Variants in NAALADL2 observed in about 807,000 individuals in gnomAD.
NAALADL2 encodes inactive N-acetylated-alpha-linked acidic dipeptidase-like protein 2.
NAALADL2 carries 76 observed loss-of-function variants against 87.2 expected under a neutral mutation model. That is an observed-to-expected ratio of 0.87 (90% CI 0.72 to 1.05). NAALADL2 has a LOEUF of 1.05. Ranked by LOEUF, NAALADL2 falls within the 50% of genes least tolerant of loss-of-function variation. The pLI, the probability that NAALADL2 is intolerant of heterozygous loss-of-function variation, is 0.00. For synonymous variants in NAALADL2, 354 were observed against 331.0 expected (o/e 1.07, Z -0.75); for missense variants, 1,089 against 945.8 (o/e 1.15, Z -1.99).
intron 2 of NAALADL2, among the ~76,000 whole-genome samples, chr3:175,118,821 A>G (rs1351766842): frequency 6.6e-6 from 1 of 151,744 alleles, no homozygotes; most frequent in Non-Finnish European, 1.5e-5. Context: ...CTTTGATGAT[A>G]TTGATTATTT....
intron 9 of NAALADL2, among the ~76,000 whole-genome samples, chr3:175,483,372 TAAAC>T (rs1726796586): frequency 6.6e-6 from 1 of 151,540 alleles, no homozygotes; most frequent in Non-Finnish European, 1.5e-5. Context: ...CCTGACCCTT[TAAAC>T]ATCTTTTTTC....
At chr3:174,719,845 G>A (rs1731541445) in intron 2 of NAALADL2, among the ~76,000 whole-genome samples, 1 of 152,104 alleles carries the variant, frequency 6.6e-6, no homozygotes, top group South Asian at 2.1e-4. Flanking sequence ...CCAGCCTGGA[G>A]TGGAGTGCCA....
At chr3:175,608,895 A>G (rs1363070470) in intron 10 of NAALADL2, among the ~76,000 whole-genome samples, 2 of 152,138 alleles carry the variant, frequency 1.3e-5, no homozygotes, top group African/African-American at 4.8e-5. Flanking sequence ...TATTTGTAAA[A>G]TATTTACCAA....
At chr3:174,569,919 G>T (rs1370792846) in intron 2 of NAALADL2, among the ~76,000 whole-genome samples, 4 of 152,094 alleles carry the variant, frequency 2.6e-5, no homozygotes, top group African/African-American at 9.7e-5. Context: ...CCTGCACTGT[G>T]AAGCTTCCTC....
chr3:175,760,463 A>T (rs2150146830), intron 13 of NAALADL2, among the ~76,000 whole-genome samples: 1 of 152,340 alleles, frequency 6.6e-6, no homozygotes, highest in East Asian at 1.9e-4. Context: ...GTACCTTGGA[A>T]GTACTGAACT....
intron 11 of NAALADL2, among the ~76,000 whole-genome samples, chr3:175,666,810 T>TA (rs1025393796): frequency 1.4e-4 from 21 of 152,058 alleles, no homozygotes; most frequent in African/African-American, 4.3e-4. Flanking sequence ...AGTGGGTAGA[T>TA]AAAAAAACAA....
At chr3:175,488,928 T>C (rs566004467) in intron 9 of NAALADL2, among the ~76,000 whole-genome samples, 6 of 152,274 alleles carry the variant, frequency 3.9e-5, no homozygotes, top group African/African-American at 1.2e-4. Flanking sequence ...CAGTGGTTAT[T>C]GGCATGAGCA....
intron 10 of NAALADL2, among the ~76,000 whole-genome samples, chr3:175,604,298 ATTTTTT>A (rs33971019): frequency 2.4e-5 from 2 of 83,562 alleles, no homozygotes; most frequent in African/African-American, 8.7e-5. Context: ...TGACATTGAA[ATTTTTT>A]TTTTTTTTTT....
At chr3:175,073,741 G>C (rs184752167) in intron 1 of NAALADL2, among the ~76,000 whole-genome samples, 1 of 152,046 alleles carries the variant, frequency 6.6e-6, no homozygotes, top group Non-Finnish European at 1.5e-5. Flanking sequence ...TGTTACTCAA[G>C]AGAAGAACGG....
chr3:174,652,454 G>A (rs1724463830), intron 2 of NAALADL2, among the ~76,000 whole-genome samples: 1 of 152,110 alleles, frequency 6.6e-6, no homozygotes, highest in African/African-American at 2.4e-5. Flanking sequence ...CACATGGCTG[G>A]GGAGGCCTCA....
intron 5 of NAALADL2, among the ~76,000 whole-genome samples, chr3:175,392,776 A>C (rs1280087143): frequency 6.6e-6 from 1 of 152,196 alleles, no homozygotes; most frequent in Admixed American, 6.5e-5. Flanking sequence ...TTGATTCTGA[A>C]TTACAGAGCT....
intron 3 of NAALADL2, among the ~76,000 whole-genome samples, chr3:174,814,365 C>G (rs1579043615): frequency 6.6e-6 from 1 of 152,112 alleles, no homozygotes; most frequent in Non-Finnish European, 1.5e-5. Flanking sequence ...CCTCAGCCTC[C>G]CAAAGTGCTG....
chr3:174,643,449 C>T (rs1004955633), intron 2 of NAALADL2, among the ~76,000 whole-genome samples: 12 of 151,984 alleles, frequency 7.9e-5, no homozygotes, highest in Non-Finnish European at 1.5e-4. Flanking sequence ...GTCAGGAGTT[C>T]GAGACCAGCC....
chr3:174,804,958 G>A (rs755608402), intron 3 of NAALADL2, among the ~76,000 whole-genome samples: 1 of 151,982 alleles, frequency 6.6e-6, no homozygotes, highest in Non-Finnish European at 1.5e-5. Flanking sequence ...TGCCATTTTG[G>A]CAAGTAGTTC....
At chr3:175,755,660 A>C (rs867794105) in intron 13 of NAALADL2, among the ~76,000 whole-genome samples, 10 of 151,542 alleles carry the variant, frequency 6.6e-5, no homozygotes, top group Admixed American at 1.3e-4. Flanking sequence ...CATTAATTTC[A>C]ATATGAGTCA....
chr3:175,287,815 T>C (rs1755166281), intron 4 of NAALADL2, among the ~76,000 whole-genome samples: 1 of 152,148 alleles, frequency 6.6e-6, no homozygotes, highest in Admixed American at 6.5e-5. Context: ...ACAGAGTACA[T>C]TCTTAGAAAA....
chr3:175,313,128 C>G (rs1372090392), intron 4 of NAALADL2, among the ~76,000 whole-genome samples: 1 of 152,122 alleles, frequency 6.6e-6, no homozygotes, highest in African/African-American at 2.4e-5. Flanking sequence ...ACATGCATTT[C>G]TGGTATCTCT....
At chr3:174,963,769 A>T (rs1190216435) in intron 1 of NAALADL2, among the ~76,000 whole-genome samples, 3 of 152,174 alleles carry the variant, frequency 2.0e-5, no homozygotes, top group Non-Finnish European at 4.4e-5. Flanking sequence ...CATGTTTAGA[A>T]AATGCAGTGG....
chr3:174,968,760 A>G (rs1315141074), intron 1 of NAALADL2, among the ~76,000 whole-genome samples: 1 of 152,142 alleles, frequency 6.6e-6, no homozygotes, highest in African/African-American at 2.4e-5. Flanking sequence ...TACAGATGTG[A>G]GCCACTGCGC....
Sources: allele counts gnomAD v4.1 joint callset (sites outside exome capture counted in the v4.1 genomes callset), GRCh38; gene constraint gnomAD v4.1.1; transcripts MANE v1.5; gene names NCBI Gene and HGNC (gene_info 2026-07-23, HGNC 2026-07-21).